Variants in MYOZ2 observed in about 807,000 individuals in gnomAD.
MYOZ2 encodes myozenin-2.
MYOZ2 carries 19 observed loss-of-function variants against 25.4 expected under a neutral mutation model. The observed-to-expected ratio is 0.75, with a 90% CI of 0.52 to 1.10. The LOEUF (loss-of-function observed/expected upper bound fraction) is 1.10. Ranked by LOEUF, MYOZ2 falls within the 50% of genes least tolerant of loss-of-function variation. The probability of loss-of-function intolerance (pLI) is 0.00; values close to 1 mark genes in which losing one functional copy is unlikely to be tolerated. For synonymous variants in MYOZ2, 92 were observed against 106.9 expected, an observed-to-expected ratio of 0.86 and a Z score of 0.86; for missense variants, 270 against 317.9, an observed-to-expected ratio of 0.85 and a Z score of 1.15.
intron 2 of MYOZ2, among the ~76,000 whole-genome samples, chr4:119,143,866 T>A (rs2149219400): frequency 6.6e-6 from 1 of 152,334 alleles, no homozygotes; most frequent in African/African-American, 2.4e-5. Flanking sequence ...CTTCATGTCT[T>A]TTCATGGCTT....
chr4:119,180,098 T>C (rs566089186), intron 5 of MYOZ2, among the ~76,000 whole-genome samples: 13 of 152,356 alleles, frequency 8.5e-5, no homozygotes, highest in Non-Finnish European at 1.5e-4. Context: ...TGGGGAATCA[T>C]GTGCTGTGTA....
intron 3 of MYOZ2, among the ~76,000 whole-genome samples, chr4:119,156,702 T>C (rs1053136827): frequency 6.6e-6 from 1 of 152,182 alleles, no homozygotes; most frequent in East Asian, 1.9e-4. Context: ...ACTATCAATA[T>C]TTTATAAGTA....
intron 5 of MYOZ2, among the ~76,000 whole-genome samples, 192 bp downstream of exon 5, chr4:119,164,586 G>A (rs529162372): frequency 6.6e-6 from 1 of 152,118 alleles, no homozygotes; most frequent in African/African-American, 2.4e-5. Flanking sequence ...TTCAAACTTG[G>A]TCATTTTTAG....
chr4:119,165,959 G>A (rs1469756995), intron 5 of MYOZ2, among the ~76,000 whole-genome samples: 1 of 152,096 alleles, frequency 6.6e-6, no homozygotes, highest in South Asian at 2.1e-4. Flanking sequence ...ATATCAGTGA[G>A]CACAATACCA....
At chr4:119,153,011 C>T (rs1408028269) in intron 3 of MYOZ2, among the ~76,000 whole-genome samples, 1 of 151,534 alleles carries the variant, frequency 6.6e-6, no homozygotes, top group African/African-American at 2.4e-5. Context: ...AAGGTTTGGT[C>T]CTGGCTCTCC....
intron 5 of MYOZ2, among the ~76,000 whole-genome samples, chr4:119,184,661 G>C (rs1742256382): frequency 6.6e-6 from 1 of 152,180 alleles, no homozygotes; most frequent in African/African-American, 2.4e-5. Flanking sequence ...TGATTATACT[G>C]CACACTTGAA....
intron 2 of MYOZ2, among the ~76,000 whole-genome samples, chr4:119,145,285 G>A (rs1384861686): frequency 1.3e-5 from 2 of 150,312 alleles, no homozygotes; most frequent in Non-Finnish European, 3.0e-5. Context: ...TTGCTTCTAC[G>A]TGTATGTGGG....
At chr4:119,138,679 A>C (rs1415900402) in intron 2 of MYOZ2, among the ~76,000 whole-genome samples, 1 of 152,026 alleles carries the variant, frequency 6.6e-6, no homozygotes, top group African/African-American at 2.4e-5. Context: ...TCCAGTCGAA[A>C]TCCCCTTCTC....
At chr4:119,137,735 G>C (rs1357382919) in intron 2 of MYOZ2, among the ~76,000 whole-genome samples, 2 of 152,130 alleles carry the variant, frequency 1.3e-5, no homozygotes, top group Non-Finnish European at 2.9e-5. Context: ...AATAAAATGA[G>C]AATAATTCTG....
intron 3 of MYOZ2, among the ~76,000 whole-genome samples, chr4:119,157,550 A>C (rs950492500): frequency 6.6e-6 from 1 of 152,190 alleles, no homozygotes; most frequent in Admixed American, 6.5e-5. Context: ...ATTTCAGGTT[A>C]GATTTTTAAA....
Position 119,158,065 on chromosome 4 carries a change from T to C in MYOZ2, c.290T>C (p.Leu97Ser), listed in dbSNP as rs1741622763. ...AATGGGAAAGTGGATGGAAGTAACT[T>C]GGAAGGTGGTTCGCAGCAAGCCCCC... is the stretch of plus-strand genomic sequence containing the variant. The part of the protein sequence containing the change: ...MQNGKVDGSN[L>S]EGGSQQAPLT... Residue 97 changes from leucine (L) to serine (S), a missense_variant, in exon 4 of 6, where the codon TTG becomes TCG. Leu to Ser is a moderately radical substitution (Grantham distance 145). Transcript: ENST00000307128. 1 of 1,613,988 alleles carries C rather than the reference T, an allele frequency of 6.2e-7. No homozygotes were observed. The highest frequency in any genetic ancestry group is 2.2e-5 in the East Asian group (1 of 44,862).
chr4:119,140,621 C>G (rs1212652374), intron 2 of MYOZ2, among the ~76,000 whole-genome samples: 1 of 152,140 alleles, frequency 6.6e-6, no homozygotes, highest in East Asian at 1.9e-4. Flanking sequence ...GAGAACTAGG[C>G]TAAATTGTAT....
intron 5 of MYOZ2, among the ~76,000 whole-genome samples, chr4:119,168,196 T>C (rs1207287246): frequency 6.6e-6 from 1 of 152,156 alleles, no homozygotes; most frequent in Non-Finnish European, 1.5e-5. Context: ...ATGGTCTCTA[T>C]CTCCTGACCT....
At chr4:119,171,686 C>G (rs1020711223) in intron 5 of MYOZ2, among the ~76,000 whole-genome samples, 1 of 149,938 alleles carries the variant, frequency 6.7e-6, no homozygotes, top group East Asian at 1.9e-4. Flanking sequence ...TTTTGTCATA[C>G]AACTATTATA....
At chr4:119,179,140 C>T (rs1025173952) in intron 5 of MYOZ2, among the ~76,000 whole-genome samples, 3 of 152,338 alleles carry the variant, frequency 2.0e-5, no homozygotes, top group African/African-American at 4.8e-5. Flanking sequence ...AACTTGTTAT[C>T]ATGGCCTGGA....
At chr4:119,157,882 A>G in intron 3 of MYOZ2, 140 bp from the exon 4 acceptor site, 2 of 1,016,322 alleles carry the variant, frequency 2.0e-6, no homozygotes, top group East Asian at 2.6e-5. Flanking sequence ...CTATGAAAAA[A>G]ATTATTGAGG....
chr4:119,150,924 G>A lies in MYOZ2; in HGVS notation c.129G>A (p.Met43Ile). ...AGGTCAGCATCCCCAGAGACATCAT[G>A]TTGGAAGAATTATCCCATCTCAGTA... is the stretch of plus-strand genomic sequence containing the variant. ...GKKVSIPRDI[M>I]LEELSHLSNR... is the part of the protein sequence containing the mutation. Residue 43 changes from methionine (M) to isoleucine (I), a missense_variant, in exon 3 of 6, where the codon ATG becomes ATA. Transcript: ENST00000307128. The A allele has an allele frequency of 1.2e-6, 2 of 1,613,920 alleles. No individual in the cohort carries two copies. The highest frequency in any genetic ancestry group is 2.2e-5 in the East Asian group (1 of 44,858).
chr4:119,142,236 T>G (rs1741172147), intron 2 of MYOZ2, among the ~76,000 whole-genome samples: 1 of 152,332 alleles, frequency 6.6e-6, no homozygotes, highest in South Asian at 2.1e-4. Context: ...GAAACAGATA[T>G]GCAGTAGTAG....
chr4:119,151,067 T>C, intron 3 of MYOZ2, 26 bp downstream of exon 3: 1 of 1,568,082 alleles, frequency 6.4e-7, no homozygotes, highest in Non-Finnish European at 8.8e-7. Context: ...ACAGGTAGTA[T>C]CCAAATGAAT....
Sources: gnomAD v4.1 joint callset for allele counts (sites outside exome capture counted in the v4.1 genomes callset) on GRCh38, gnomAD v4.1.1 for gene constraint, MANE v1.5 for transcripts, NCBI Gene and HGNC (gene_info 2026-07-23, HGNC 2026-07-21) for gene names.